LIN54: variants seen among roughly 807,000 people sequenced by gnomAD.
The protein encoded by LIN54 is lin-54 DREAM MuvB core complex component, also known as protein lin-54 homolog.
A neutral mutation model predicts 78.7 loss-of-function variants in LIN54; 9 were observed. The observed-to-expected ratio is 0.11, with a 90% confidence interval of 0.07 to 0.20. The LOEUF (loss-of-function observed/expected upper bound fraction) is 0.20, where lower values mean the gene tolerates loss of function less well. Ranked by LOEUF, LIN54 falls within the 10% of genes least tolerant of loss-of-function variation. LIN54 has a pLI of 1.00. For missense variants in LIN54, 573 were observed against 889.9 expected (o/e 0.64, Z 4.53); for synonymous variants, 269 against 318.4 (o/e 0.84, Z 1.65).
chr4:82,996,466 C>G (rs560092744), intron 1 of LIN54, among the ~76,000 whole-genome samples: 128 of 152,094 alleles, frequency 8.4e-4, no homozygotes, highest in African/African-American at 2.8e-3. Context: ...AATGCAGTGG[C>G]ATGATCTCAG....
chr4:83,011,506 T>C (rs1163240934), upstream of LIN54, among the ~76,000 whole-genome samples: 1 of 152,168 alleles, frequency 6.6e-6, no homozygotes, highest in African/African-American at 2.4e-5. Flanking sequence ...GAAACATTCA[T>C]GAATGATCGA....
chr4:82,942,890 A>ACTCC (rs1219020213), intron 5 of LIN54, among the ~76,000 whole-genome samples: 5 of 138,674 alleles, frequency 3.6e-5, no homozygotes, highest in African/African-American at 5.1e-5. Context: ...ACACACACAC[A>ACTCC]CACCCTCCCT....
intron 4 of LIN54, 66 bp from the exon 5 acceptor site, chr4:82,946,540 T>A (rs756595774): frequency 3.2e-6 from 4 of 1,263,568 alleles, no homozygotes; most frequent in Non-Finnish European, 4.6e-6. Context: ...TTTTAATTTA[T>A]AACCATTGCT....
intron 4 of LIN54, among the ~76,000 whole-genome samples, chr4:82,955,953 A>G (rs930331084): frequency 6.6e-6 from 1 of 152,118 alleles, no homozygotes; most frequent in African/African-American, 2.4e-5. Flanking sequence ...TGCTATTTCA[A>G]CCTTTTAATA....
chr4:82,982,009 A>G (rs1042718497), intron 2 of LIN54, among the ~76,000 whole-genome samples: 8 of 152,308 alleles, frequency 5.3e-5, no homozygotes, highest in African/African-American at 1.9e-4. Context: ...ACTGGGTGAC[A>G]GAGAGACCTG....
chr4:82,934,592 A>G (rs1371868360), intron 11 of LIN54, among the ~76,000 whole-genome samples: 1 of 152,252 alleles, frequency 6.6e-6, no homozygotes, highest in Non-Finnish European at 1.5e-5. Context: ...AGAATGCAAT[A>G]CACAAAATCT....
At chr4:82,975,293 G>A (rs950291937) in intron 3 of LIN54, among the ~76,000 whole-genome samples, 21 of 149,696 alleles carry the variant, frequency 1.4e-4, no homozygotes, top group East Asian at 4.0e-4. Context: ...TTGAGATCAC[G>A]CCACTGCACT....
chr4:82,963,999 A>G (rs1405200265), intron 4 of LIN54, among the ~76,000 whole-genome samples: 2 of 152,068 alleles, frequency 1.3e-5, no homozygotes, highest in South Asian at 2.1e-4. Flanking sequence ...TAATATGTGA[A>G]TTATGACATT....
chr4:82,935,249 A>G (rs192027681), intron 11 of LIN54, among the ~76,000 whole-genome samples: 17 of 148,680 alleles, frequency 1.1e-4, no homozygotes, highest in Non-Finnish European at 1.8e-4. Flanking sequence ...GATGCAGGCT[A>G]TTTTGTATCC....
intron 1 of LIN54, among the ~76,000 whole-genome samples, chr4:83,003,047 T>C (rs1351191090): frequency 6.6e-6 from 1 of 152,196 alleles, no homozygotes; most frequent in African/African-American, 2.4e-5. Flanking sequence ...GGAGTCTTGC[T>C]CTGTCACCCA....
At chr4:82,962,890 ATG>A (rs1724917720) in intron 4 of LIN54, among the ~76,000 whole-genome samples, 1 of 152,060 alleles carries the variant, frequency 6.6e-6, no homozygotes, top group Admixed American at 6.6e-5. Flanking sequence ...AACTCTTAAA[ATG>A]AGAAGATCAA....
chr4:83,001,643 A>G (rs1357574431), intron 1 of LIN54, among the ~76,000 whole-genome samples: 1 of 151,078 alleles, frequency 6.6e-6, no homozygotes, highest in Non-Finnish European at 1.5e-5. Flanking sequence ...CAGGAGATCA[A>G]GAGCATCCTG....
intron 11 of LIN54, among the ~76,000 whole-genome samples, chr4:82,932,204 C>G (rs1172884575): frequency 6.7e-6 from 1 of 150,332 alleles, no homozygotes; most frequent in Non-Finnish European, 1.5e-5. Context: ...ACGCCATTCT[C>G]TTGCCTCAGC....
upstream of LIN54, among the ~76,000 whole-genome samples, chr4:83,011,582 A>G (rs1364436360): frequency 2.1e-5 from 3 of 140,942 alleles, no homozygotes; most frequent in African/African-American, 8.4e-5. Flanking sequence ...TTAGGATCTA[A>G]GTCATCAAAT....
chr4:82,942,837 CACAAAT>C (rs1384324828), intron 5 of LIN54, among the ~76,000 whole-genome samples: 2 of 151,508 alleles, frequency 1.3e-5, no homozygotes, highest in Non-Finnish European at 2.9e-5. Context: ...CATACACATG[CACAAAT>C]GTGTGCGTGT....
chr4:82,984,102 A>G (rs1231156718), intron 2 of LIN54, 59 bp downstream of exon 2: 10 of 1,171,070 alleles, frequency 8.5e-6, no homozygotes, highest in Non-Finnish European at 1.2e-5. Flanking sequence ...CACAACTATG[A>G]ATCAGTTAAA....
chr4:82,935,567 T>A (rs1722333995), intron 11 of LIN54, among the ~76,000 whole-genome samples: 1 of 151,968 alleles, frequency 6.6e-6, no homozygotes, highest in African/African-American at 2.4e-5. Context: ...GGATTACAGG[T>A]GTGAGCCACC....
At position 82,925,422 on chromosome 4, in the gene LIN54, C is replaced by T. The variant is rs1303286088; in HGVS notation, c.*2680G>A. ...TGTAGCCTGGGCTGGTCTAGAACTC[C>T]TGGACTCAAGTGATTCACCCGCCTT... On this transcript the variant is annotated 3_prime_UTR_variant, in exon 13 of 13. Coordinates refer to ENST00000340417, the MANE Select transcript of LIN54 (RefSeq NM_194282.4). 6.6e-6 allele frequency: 1 copy of T among 152,290 alleles called. No individual in the cohort carries two copies. Among genetic ancestry groups the T allele is most frequent in the Non-Finnish European group, 1.5e-5 (1 of 68,050 alleles). The allele number at this position is 152,290 out of a possible 1,614,324, so 9.4% of individuals were successfully genotyped here. A position where few individuals can be genotyped will look rare whatever the true frequency, so the allele number is the denominator to read the frequency against.
At chr4:82,949,290 C>G (rs1424291267) in intron 4 of LIN54, among the ~76,000 whole-genome samples, 3 of 152,116 alleles carry the variant, frequency 2.0e-5, no homozygotes, top group African/African-American at 7.2e-5. Flanking sequence ...TTTCATATGT[C>G]TGTTGGCCAT....
Sources: gnomAD v4.1 joint callset for allele counts (sites outside exome capture counted in the v4.1 genomes callset) on GRCh38, gnomAD v4.1.1 for gene constraint, MANE v1.5 for transcripts, NCBI Gene and HGNC (gene_info 2026-07-23, HGNC 2026-07-21) for gene names.